Variants in KIRREL3 observed in about 807,000 individuals in gnomAD.
The protein encoded by KIRREL3 is kin of IRRE-like protein 3.
KIRREL3 carries 36 observed loss-of-function variants against 89.7 expected under a neutral mutation model. The ratio of observed to expected loss-of-function variants is 0.40; its 90% CI spans 0.31 to 0.53. The LOEUF is 0.53. Ranked by LOEUF, KIRREL3 falls within the 20% of genes least tolerant of loss-of-function variation. The pLI is 0.49. For missense variants in KIRREL3, 864 were observed against 1,056.6 expected, an observed-to-expected ratio of 0.82 and a Z score of 2.53; for synonymous variants, 445 against 441.4, an observed-to-expected ratio of 1.01 and a Z score of -0.10.
intron 1 of KIRREL3, among the ~76,000 whole-genome samples, chr11:126,632,965 G>A (rs948397082): frequency 6.6e-5 from 10 of 151,602 alleles, no homozygotes; most frequent in African/African-American, 1.7e-4. Flanking sequence ...GGTGGTGCAC[G>A]CCTGTAGTCC....
chr11:126,933,430 T>A (rs1386557009), intron 1 of KIRREL3, among the ~76,000 whole-genome samples: 2 of 151,488 alleles, frequency 1.3e-5, no homozygotes, highest in African/African-American at 4.9e-5. Context: ...TAGGGGAACC[T>A]CCTTTATACT....
Position 126,802,585 on chromosome 11 carries a change from G to A in KIRREL3, c.55+197870C>T, listed in dbSNP as rs1951074753. ...ATGGCCTCAGTGTGAGTGAGTGTGG[G>A]CATGTGTGTGTGTGAGTGACCCTGC... is the stretch of plus-strand genomic sequence containing the variant. On this transcript the variant is annotated intron_variant, in intron 1 of 16. Transcript: ENST00000525144. This position sits in a 1 kb window ranked among gnomAD's most constrained non-coding sequence, Gnocchi z 5.2. Among the ~76,000 whole-genome samples, 1 of 152,136 alleles carries A rather than the reference G, an allele frequency of 6.6e-6. No homozygotes were observed. Among genetic ancestry groups the A allele is most frequent in the Non-Finnish European group, 1.5e-5 (1 of 68,028 alleles).
At chr11:126,456,566 A>G in intron 6 of KIRREL3, 112 bp from the exon 7 acceptor site, 1 of 708,058 alleles carries the variant, frequency 1.4e-6, no homozygotes, top group Non-Finnish European at 2.4e-6. Flanking sequence ...CCCTCAGAGC[A>G]GCCCCCGCCC....
In KIRREL3 at chr11:126,565,371, T is replaced by G. The variant is rs1940439947; in HGVS notation, c.56-2459A>C. On this transcript the variant is annotated intron_variant, in intron 1 of 16. Coordinates refer to ENST00000525144, the MANE Select transcript of KIRREL3 (RefSeq NM_032531.4). The surrounding 1 kb of genome is among the most constrained non-coding windows in gnomAD (Gnocchi z 5.4). ...AACTAAGAGTCTCACTGATTATGTT[T>G]GATTTTTGCAAATGAGCAGGAAAAG... is the stretch of plus-strand genomic sequence containing the variant. 6.6e-6 allele frequency among the ~76,000 whole-genome samples: 1 copy of G among 152,186 alleles called. No homozygotes were observed. Among genetic ancestry groups the G allele is most frequent in the Admixed American group, 6.5e-5 (1 of 15,276 alleles).
intron 7 of KIRREL3, among the ~76,000 whole-genome samples, chr11:126,451,531 T>G (rs940954813): frequency 6.8e-6 from 1 of 148,090 alleles, no homozygotes; most frequent in African/African-American, 2.5e-5. Flanking sequence ...AGTGGGTGCA[T>G]GTGTGAGAGT....
chr11:126,616,583 C>T lies in KIRREL3; in HGVS notation c.56-53671G>A, dbSNP rs555868262. Among the ~76,000 whole-genome samples the T allele has an allele frequency of 1.2e-4, 18 of 152,328 alleles. No individual in the cohort carries two copies. The East Asian group carries it at 2.1e-3, about 18-fold the overall frequency. On this transcript the variant is annotated intron_variant, in intron 1 of 16. Transcript: ENST00000525144. The stretch of plus-strand genomic sequence containing the variant: ...TCCCATTTGTTTCTGATAATGAACA[C>T]ACAGAGTGGGTGATAGGATTTTCCT...
At chr11:126,854,615 A>G (rs1437005867) in intron 1 of KIRREL3, among the ~76,000 whole-genome samples, 1 of 152,080 alleles carries the variant, frequency 6.6e-6, no homozygotes, top group Non-Finnish European at 1.5e-5. Flanking sequence ...TTGTTTATCC[A>G]TTTGTCCATT....
rs1940765700 is a variant in KIRREL3, at chr11:126,569,489, G to A, written c.56-6577C>T. On this transcript the variant is annotated intron_variant, in intron 1 of 16. Coordinates refer to ENST00000525144, the MANE Select transcript of KIRREL3 (RefSeq NM_032531.4). The surrounding 1 kb of genome is among the most constrained non-coding windows in gnomAD (Gnocchi z 6.5). ...CCAAGGCACAGACACTCGCAAAGAGGCCACTAAGTGCTGGGCACTATGTGC... is the reference window on the plus strand; with the variant it reads ...CCAAGGCACAGACACTCGCAAAGAGACCACTAAGTGCTGGGCACTATGTGC... 6.6e-6 allele frequency among the ~76,000 whole-genome samples: 1 copy of A among 152,140 alleles called. No individual in the cohort carries two copies. The highest frequency in any genetic ancestry group is 2.4e-5 in the African/African-American group (1 of 41,418).
chr11:126,567,275 G>A (rs1349762983), intron 1 of KIRREL3, among the ~76,000 whole-genome samples: 1 of 152,172 alleles, frequency 6.6e-6, no homozygotes, highest in African/African-American at 2.4e-5. Flanking sequence ...TTATGAAGAG[G>A]AAAATCTAGT....
At position 126,641,188 on chromosome 11, in the gene KIRREL3, C is replaced by T. The variant is rs1312773714; in HGVS notation, c.56-78276G>A. Among the ~76,000 whole-genome samples, 3 of 152,186 alleles carry T rather than the reference C, an allele frequency of 2.0e-5. No homozygotes were observed. The highest frequency in any genetic ancestry group is 7.2e-5 in the African/African-American group (3 of 41,456). ...TGAGTGATCCTAGACTCTTCTCTTC[C>T]TTTCACACCCACATCCAATCTGTCA... On this transcript the variant is annotated intron_variant, in intron 1 of 16. Coordinates refer to ENST00000525144, the MANE Select transcript of KIRREL3 (RefSeq NM_032531.4). This position sits in a 1 kb window ranked among gnomAD's most constrained non-coding sequence, Gnocchi z 5.0.
In KIRREL3 at chr11:126,562,821, A is replaced by T. The variant is rs369740242; in HGVS notation, c.133+14T>A. ...CCAGATTACTCCCGAGACAATGGGG[A>T]GGTTCTCACTGACCTTCATTCATTC... On this transcript the variant is annotated intron_variant, in intron 2 of 16. Coordinates refer to ENST00000525144, the MANE Select transcript of KIRREL3 (RefSeq NM_032531.4). The surrounding 1 kb of genome is among the most constrained non-coding windows in gnomAD (Gnocchi z 4.7). The T allele has an allele frequency of 2.2e-5, 35 of 1,608,506 alleles. No homozygotes were observed. In the East Asian group the frequency reaches 6.0e-4, roughly 28 times the overall value.
At chr11:126,493,805 G>A (rs1412246818) in intron 4 of KIRREL3, among the ~76,000 whole-genome samples, 1 of 152,112 alleles carries the variant, frequency 6.6e-6, no homozygotes, top group African/African-American at 2.4e-5. Flanking sequence ...TGGTGACAGG[G>A]CAGTCGCTGG....
At chr11:126,433,211 C>T (rs888277294) in intron 13 of KIRREL3, among the ~76,000 whole-genome samples, 7 of 152,220 alleles carry the variant, frequency 4.6e-5, no homozygotes, top group Non-Finnish European at 1.0e-4. Context: ...CAGGAAAGTT[C>T]CTTTGAAAGA....
chr11:126,515,023 G>A lies in KIRREL3; in HGVS notation c.433+6292C>T, dbSNP rs1958362199. Reference sequence around the variant, plus strand: ...CTGAACACCCAGTATGTGATTCTAGGCTGTGCTAGGCATGAAGGATGAAAG... The same window carrying A: ...CTGAACACCCAGTATGTGATTCTAGACTGTGCTAGGCATGAAGGATGAAAG... On this transcript the variant is annotated intron_variant, in intron 4 of 16. Coordinates refer to ENST00000525144, the MANE Select transcript of KIRREL3 (RefSeq NM_032531.4). The surrounding 1 kb of genome is among the most constrained non-coding windows in gnomAD (Gnocchi z 4.2). Among the ~76,000 whole-genome samples the A allele has an allele frequency of 6.6e-6, 1 of 152,222 alleles. No homozygotes were observed. Among genetic ancestry groups the A allele is most frequent in the Non-Finnish European group, 1.5e-5 (1 of 68,032 alleles).
chr11:126,446,274 CT>C (rs1283308076), intron 9 of KIRREL3, among the ~76,000 whole-genome samples: 29 of 128,144 alleles, frequency 2.3e-4, no homozygotes, highest in Non-Finnish European at 3.9e-4. Context: ...CTCTCTCTTT[CT>C]TTTCTTTCTC....
rs1592312652 is a variant in KIRREL3, at chr11:126,900,212, C to T, written c.55+100243G>A. Among the ~76,000 whole-genome samples the T allele has an allele frequency of 2.0e-5, 3 of 152,280 alleles. No individual in the cohort carries two copies. The East Asian group carries it at 5.8e-4, about 29-fold the overall frequency. ...TGCCTAATTTATAGCAAGTCACCTA[C>T]TACTAGAACATCGGCCCTTCAGTTT... On this transcript the variant is annotated intron_variant, in intron 1 of 16. Coordinates refer to ENST00000525144, the MANE Select transcript of KIRREL3 (RefSeq NM_032531.4). This position sits in a 1 kb window ranked among gnomAD's most constrained non-coding sequence, Gnocchi z 4.4.
chr11:126,619,265 A>T (rs1249115443), intron 1 of KIRREL3, among the ~76,000 whole-genome samples: 3 of 152,234 alleles, frequency 2.0e-5, no homozygotes, highest in Admixed American at 6.5e-5. Flanking sequence ...CAAAGCTTTG[A>T]GGCCAGACTG....
rs1955655394 is a variant in KIRREL3, at chr11:126,443,244, A to C, written c.1252+1735T>G. ...GCTGGTCATAGGGCCAGCAGAGCAG[A>C]GCCGGCTGCAGGCACAGACAGCCTG... On this transcript the variant is annotated intron_variant, in intron 10 of 16. Coordinates refer to ENST00000525144, the MANE Select transcript of KIRREL3 (RefSeq NM_032531.4). The surrounding 1 kb of genome is among the most constrained non-coding windows in gnomAD (Gnocchi z 7.3). Among the ~76,000 whole-genome samples, 1 of 152,150 alleles carries C rather than the reference A, an allele frequency of 6.6e-6. No homozygotes were observed. The highest frequency in any genetic ancestry group is 2.4e-5 in the African/African-American group (1 of 41,428).
At chr11:126,483,041 G>T (rs1307915820) in intron 4 of KIRREL3, among the ~76,000 whole-genome samples, 1 of 152,226 alleles carries the variant, frequency 6.6e-6, no homozygotes, top group Non-Finnish European at 1.5e-5. Context: ...GCCTTCCTGG[G>T]CGAGAGCTAG....
Sources: gnomAD v4.1 joint callset for allele counts (sites outside exome capture counted in the v4.1 genomes callset) on GRCh38, gnomAD v4.1.1 for gene constraint, Gnocchi (gnomAD v3.1) non-coding constraint, MANE v1.5 for transcripts, NCBI Gene and HGNC (gene_info 2026-07-23, HGNC 2026-07-21) for gene names.